The following SND1 variants were observed in gnomAD, a reference collection of about 807,000 sequenced individuals.
The protein encoded by SND1 is staphylococcal nuclease and tudor domain containing 1, also known as staphylococcal nuclease domain-containing protein 1.
A neutral mutation model predicts 121.7 loss-of-function variants in SND1; 38 were observed. The ratio of observed to expected loss-of-function variants is 0.31; its 90% CI spans 0.24 to 0.41. The LOEUF (loss-of-function observed/expected upper bound fraction) is 0.41, where lower values mean the gene tolerates loss of function less well. SND1 is among the 10% of genes least tolerant of loss of function. The pLI is 1.00. For missense variants in SND1, 868 were observed against 1,184.6 expected (o/e 0.73, Z 3.92); for synonymous variants, 401 against 447.4 (o/e 0.90, Z 1.31).
intron 13 of SND1, among the ~76,000 whole-genome samples, chr7:127,896,659 A>G (rs1271455276): frequency 6.6e-6 from 1 of 152,130 alleles, no homozygotes; most frequent in Non-Finnish European, 1.5e-5. Context: ...CGTGGTTATA[A>G]GTAACAGAGA....
At chr7:127,900,453 G>A (rs1297313301) in intron 13 of SND1, among the ~76,000 whole-genome samples, 2 of 152,184 alleles carry the variant, frequency 1.3e-5, no homozygotes, top group East Asian at 1.9e-4. Flanking sequence ...GCAAACCTAA[G>A]AGCAGACTCT....
intron 5 of SND1, 76 bp downstream of exon 5, chr7:127,701,399 G>A (rs1796097294): frequency 7.0e-7 from 1 of 1,427,478 alleles, no homozygotes. Flanking sequence ...CTTGAGGTTT[G>A]TAAAATCTAG....
At chr7:128,040,276 A>T (rs572224175) in intron 16 of SND1, among the ~76,000 whole-genome samples, 27 of 145,650 alleles carry the variant, frequency 1.9e-4, no homozygotes, top group Non-Finnish European at 3.2e-4. Context: ...ACAGAAATTT[A>T]AAAAAAAAAA....
chr7:128,000,475 C>G (rs1330145816), intron 16 of SND1, among the ~76,000 whole-genome samples: 1 of 151,888 alleles, frequency 6.6e-6, no homozygotes, highest in Non-Finnish European at 1.5e-5. Flanking sequence ...TCAGGTGACC[C>G]TCCCACCTCA....
At chr7:127,802,578 C>G (rs1432905694) in intron 10 of SND1, among the ~76,000 whole-genome samples, 3 of 152,210 alleles carry the variant, frequency 2.0e-5, no homozygotes, top group Non-Finnish European at 4.4e-5. Flanking sequence ...GCCCTGCTTA[C>G]TGGTTGCTCC....
intron 2 of SND1, among the ~76,000 whole-genome samples, chr7:127,690,976 C>T (rs1391550879): frequency 1.3e-5 from 2 of 152,224 alleles, no homozygotes; most frequent in East Asian, 3.8e-4. Context: ...TGTATGCCCC[C>T]AGCCATCTCT....
intron 2 of SND1, among the ~76,000 whole-genome samples, chr7:127,688,452 A>G (rs1795855220): frequency 6.6e-6 from 1 of 151,888 alleles, no homozygotes; most frequent in Non-Finnish European, 1.5e-5. Context: ...TCATACCTGT[A>G]ATCCAAGCAC....
chr7:128,045,356 T>A (rs1792928363), intron 16 of SND1, among the ~76,000 whole-genome samples: 1 of 152,136 alleles, frequency 6.6e-6, no homozygotes, highest in Non-Finnish European at 1.5e-5. Flanking sequence ...GAGGGCTCTC[T>A]CCTGTCATCA....
At chr7:127,665,131 C>T (rs995964706) in intron 1 of SND1, among the ~76,000 whole-genome samples, 2 of 152,074 alleles carry the variant, frequency 1.3e-5, no homozygotes, top group African/African-American at 4.8e-5. Context: ...TTCTGTACTC[C>T]TGCAGTGGTT....
At chr7:127,725,127 A>G (rs1305462893) in intron 10 of SND1, among the ~76,000 whole-genome samples, 1 of 152,222 alleles carries the variant, frequency 6.6e-6, no homozygotes, top group Non-Finnish European at 1.5e-5. Flanking sequence ...GGTAAGAAAC[A>G]TCACCTGGGC....
Position 128,028,877 on chromosome 7 carries a change from G to A in SND1, c.1779+37821G>A, listed in dbSNP as rs139849197. On this transcript the variant is annotated intron_variant, in intron 16 of 23. Transcript: ENST00000354725. ...CTACTGCCCCCTCACCTGATACACC[G>A]GACGGAGCTGCTGTTGCTGCTGCGG... 579 of 1,613,982 alleles carry A rather than the reference G, an allele frequency of 3.6e-4. 1 individual carries two copies. The highest frequency in any genetic ancestry group is 4.5e-4 in the Non-Finnish European group (536 of 1,179,988).
At chr7:127,693,646 C>G (rs920412611) in intron 2 of SND1, among the ~76,000 whole-genome samples, 1 of 152,104 alleles carries the variant, frequency 6.6e-6, no homozygotes, top group Non-Finnish European at 1.5e-5. Context: ...TACTCTTTTG[C>G]CTTTACTGTG....
intron 1 of SND1, among the ~76,000 whole-genome samples, chr7:127,678,322 G>A (rs1225047438): frequency 6.6e-6 from 1 of 152,160 alleles, no homozygotes; most frequent in African/African-American, 2.4e-5. Context: ...TTTATGTGAA[G>A]TCTCTCTGTA....
intron 15 of SND1, among the ~76,000 whole-genome samples, chr7:127,960,537 T>C (rs1159261962): frequency 6.6e-6 from 1 of 152,188 alleles, no homozygotes; most frequent in African/African-American, 2.4e-5. Flanking sequence ...TTGCTGAGCA[T>C]TGAGTCTCCA....
At chr7:127,990,171 C>G in intron 15 of SND1, among the ~76,000 whole-genome samples, 1 of 152,144 alleles carries the variant, frequency 6.6e-6, no homozygotes, top group East Asian at 1.9e-4. Flanking sequence ...TCTAAATAAT[C>G]TCTCCTAGTT....
At chr7:127,657,170 T>G (rs1198995490) in intron 1 of SND1, among the ~76,000 whole-genome samples, 1 of 152,222 alleles carries the variant, frequency 6.6e-6, no homozygotes, top group Non-Finnish European at 1.5e-5. Flanking sequence ...TGTCAAGCTC[T>G]GGGCATTGGA....
chr7:127,957,264 G>A (rs926614651), intron 15 of SND1, among the ~76,000 whole-genome samples: 3 of 152,178 alleles, frequency 2.0e-5, no homozygotes, highest in Non-Finnish European at 4.4e-5. Flanking sequence ...TTTGGAACTA[G>A]GAAAGCAGCC....
At chr7:127,915,022 A>G (rs1370745613) in intron 14 of SND1, among the ~76,000 whole-genome samples, 2 of 151,954 alleles carry the variant, frequency 1.3e-5, no homozygotes, top group East Asian at 3.8e-4. Flanking sequence ...GCCGGTGTTC[A>G]TTATTTTTTT....
chr7:128,026,492 C>T (rs1286837088), intron 16 of SND1, among the ~76,000 whole-genome samples: 2 of 152,220 alleles, frequency 1.3e-5, no homozygotes, highest in East Asian at 1.9e-4. Flanking sequence ...AGTATAAATA[C>T]TAGCACTGAA....
Sources: gnomAD v4.1 joint callset for allele counts (sites outside exome capture counted in the v4.1 genomes callset) on GRCh38, gnomAD v4.1.1 for gene constraint, MANE v1.5 for transcripts, NCBI Gene and HGNC (gene_info 2026-07-23, HGNC 2026-07-21) for gene names.